The following PPP4R4 variants were observed in gnomAD, a reference collection of about 807,000 sequenced individuals.
PPP4R4 encodes the protein protein phosphatase 4 regulatory subunit 4.
Under a neutral mutation model 121.8 loss-of-function variants are expected in PPP4R4, and 70 were observed. The ratio of observed to expected loss-of-function variants is 0.57; its 90% CI spans 0.47 to 0.70. The LOEUF (loss-of-function observed/expected upper bound fraction) is 0.70, where lower values mean the gene tolerates loss of function less well. Ranked by LOEUF, PPP4R4 falls within the 30% of genes least tolerant of loss-of-function variation. The pLI is 0.00. For synonymous variants in PPP4R4, 348 were observed against 355.7 expected, an observed-to-expected ratio of 0.98 and a Z score of 0.24; for missense variants, 875 against 1,033.6, an observed-to-expected ratio of 0.85 and a Z score of 2.10.
chr14:94,238,336 T>C (rs1030342932), intron 8 of PPP4R4, among the ~76,000 whole-genome samples: 1 of 152,250 alleles, frequency 6.6e-6, no homozygotes, highest in African/African-American at 2.4e-5. Flanking sequence ...ACAGTGTTGC[T>C]ACATATTCCA....
At chr14:94,229,630 G>A (rs1259291480) in intron 3 of PPP4R4, among the ~76,000 whole-genome samples, 1 of 152,124 alleles carries the variant, frequency 6.6e-6, no homozygotes, top group African/African-American at 2.4e-5. Flanking sequence ...TGAAGATGTT[G>A]CTATAATTCA....
intron 2 of PPP4R4, among the ~76,000 whole-genome samples, chr14:94,188,150 G>A (rs1412225722): frequency 2.0e-5 from 3 of 152,004 alleles, no homozygotes; most frequent in Admixed American, 2.0e-4. Flanking sequence ...TCATGAACGG[G>A]TATTGAATCT....
At chr14:94,265,237 A>G in intron 20 of PPP4R4, 150 bp from the exon 21 acceptor site, 1 of 639,122 alleles carries the variant, frequency 1.6e-6, no homozygotes, top group South Asian at 2.1e-5. Context: ...AAAGATTGAA[A>G]TATGTAAATA....
intron 5 of PPP4R4, among the ~76,000 whole-genome samples, chr14:94,233,287 A>G (rs537597978): frequency 6.6e-6 from 1 of 152,240 alleles, no homozygotes; most frequent in South Asian, 2.1e-4. Flanking sequence ...TAGGATACAT[A>G]TAAAAATTAA....
Position 94,244,619 on chromosome 14 carries a change from T to C in PPP4R4, c.1267-16T>C. The C allele has an allele frequency of 6.8e-7, 1 of 1,472,844 alleles. No individual in the cohort carries two copies. Among genetic ancestry groups the C allele is most frequent in the South Asian group, 1.2e-5 (1 of 80,986 alleles). The allele number at this position is 1,472,844 out of a possible 1,614,324, so 91.2% of individuals were successfully genotyped here. ...TAGTACTCTCAAATCTGAGAGACTT[T>C]ATTGCTATATTTTAGGTATCTAAGC... On this transcript the variant is annotated splice_polypyrimidine_tract_variant and intron_variant, in intron 11 of 24. Transcript: ENST00000304338.
chr14:94,236,211 A>G (rs1892341705), intron 7 of PPP4R4, among the ~76,000 whole-genome samples: 1 of 152,186 alleles, frequency 6.6e-6, no homozygotes, highest in Admixed American at 6.5e-5. Context: ...ATGCCCAGAG[A>G]TAATTAAGTT....
At chr14:94,206,579 TATTAGA>T (rs2139445306) in intron 2 of PPP4R4, among the ~76,000 whole-genome samples, 1 of 152,132 alleles carries the variant, frequency 6.6e-6, no homozygotes, top group Non-Finnish European at 1.5e-5. Flanking sequence ...CTCCATGAGG[TATTAGA>T]GATTATACCC....
chr14:94,232,500 T>G (rs1035698576), intron 5 of PPP4R4, among the ~76,000 whole-genome samples: 1 of 152,236 alleles, frequency 6.6e-6, no homozygotes, highest in African/African-American at 2.4e-5. Flanking sequence ...TTTTTATATT[T>G]TTTTGAAAAG....
At chr14:94,264,685 A>G (rs1244941354) in intron 19 of PPP4R4, among the ~76,000 whole-genome samples, 193 bp from the exon 20 acceptor site, 1 of 152,210 alleles carries the variant, frequency 6.6e-6, no homozygotes, top group Admixed American at 6.5e-5. Flanking sequence ...CCTCAAGGGC[A>G]TAATTCTGTA....
chr14:94,265,543 A>G, intron 21 of PPP4R4, 70 bp downstream of exon 21: 1 of 1,318,816 alleles, frequency 7.6e-7, no homozygotes, highest in Non-Finnish European at 1.1e-6. Flanking sequence ...TGGGAAAGTC[A>G]CTCTATTAGA....
chr14:94,270,994 A>G (rs564144756), intron 23 of PPP4R4, among the ~76,000 whole-genome samples: 1 of 152,220 alleles, frequency 6.6e-6, no homozygotes, highest in Admixed American at 6.5e-5. Context: ...GACAATCTGA[A>G]TAGGCTCATA....
chr14:94,204,024 A>G (rs1027197469), intron 2 of PPP4R4, among the ~76,000 whole-genome samples: 1 of 152,136 alleles, frequency 6.6e-6, no homozygotes, highest in African/African-American at 2.4e-5. Context: ...TTCACAATGC[A>G]AAAGTTTTAA....
intron 2 of PPP4R4, among the ~76,000 whole-genome samples, chr14:94,197,570 T>C (rs1180949921): frequency 6.6e-6 from 1 of 152,188 alleles, no homozygotes; most frequent in Non-Finnish European, 1.5e-5. Flanking sequence ...TATTGAGGTA[T>C]TGATGTACAG....
intron 2 of PPP4R4, among the ~76,000 whole-genome samples, chr14:94,193,882 G>A (rs753962152): frequency 6.6e-5 from 10 of 152,158 alleles, no homozygotes; most frequent in South Asian, 2.1e-4. Flanking sequence ...AGCCTTTACC[G>A]TGTGCTGCTT....
intron 2 of PPP4R4, among the ~76,000 whole-genome samples, chr14:94,200,730 G>A (rs555346558): frequency 4.6e-5 from 7 of 151,054 alleles, no homozygotes; most frequent in Non-Finnish European, 8.9e-5. Context: ...TCTCTTCTTG[G>A]TTAATCTCGC....
Position 94,245,633 on chromosome 14 carries a change from T to G in PPP4R4, c.1391T>G (p.Met464Arg). Reference protein sequence around the residue: ...IDHLPEILELMSTGGESSVQE... With the variant: ...IDHLPEILELRSTGGESSVQE... Reference sequence around the variant, plus strand: ...CATCTTCCAGAAATCTTGGAACTTATGTCTACTGGTGGAGAAAGCAGTGTT... The same window carrying G: ...CATCTTCCAGAAATCTTGGAACTTAGGTCTACTGGTGGAGAAAGCAGTGTT... Residue 464 changes from methionine to arginine, a missense_variant, in exon 13 of 25, where the codon ATG (methionine) becomes AGG (arginine). Transcript: ENST00000304338. The G allele has an allele frequency of 6.2e-7, 1 of 1,600,374 alleles. No individual in the cohort carries two copies. Among genetic ancestry groups the G allele is most frequent in the African/African-American group, 1.3e-5 (1 of 74,658 alleles).
rs1181732714 is a variant in PPP4R4 at position 94,198,905 on chromosome 14, T to A, written c.192-9559T>A. Among the ~76,000 whole-genome samples the A allele has an allele frequency of 2.0e-5, 3 of 152,390 alleles. No individual in the cohort carries two copies. In the East Asian group the frequency reaches 5.8e-4, roughly 29 times the overall value. ...TATGCCAGTATTGCACGACATTGTC[T>A]GTTGTAGCTCTACTGTTGTAGCTCT... On this transcript the variant is annotated intron_variant, in intron 2 of 24. Transcript: ENST00000304338.
intron 2 of PPP4R4, among the ~76,000 whole-genome samples, chr14:94,200,687 G>A (rs747663362): frequency 7.2e-5 from 11 of 151,826 alleles, no homozygotes; most frequent in African/African-American, 1.2e-4. Context: ...GATATCTCCC[G>A]TTTCATTTCT....
At chr14:94,177,050 A>G (rs1029053062) in intron 2 of PPP4R4, among the ~76,000 whole-genome samples, 10 of 151,896 alleles carry the variant, frequency 6.6e-5, no homozygotes, top group Admixed American at 6.6e-4. Flanking sequence ...TTCCAGTCCC[A>G]TGTTACTCAT....
Sources: allele counts gnomAD v4.1 joint callset (sites outside exome capture counted in the v4.1 genomes callset), GRCh38; gene constraint gnomAD v4.1.1; transcripts MANE v1.5; gene names NCBI Gene and HGNC (gene_info 2026-07-23, HGNC 2026-07-21).